CDCA3: variants seen among roughly 807,000 people sequenced by gnomAD.
CDCA3 encodes cell division cycle-associated protein 3.
A neutral mutation model predicts 29.1 loss-of-function variants in CDCA3; 16 were observed. The ratio of observed to expected loss-of-function variants is 0.55; its 90% CI spans 0.37 to 0.83. The LOEUF (loss-of-function observed/expected upper bound fraction) is 0.83, where lower values mean the gene tolerates loss of function less well. Ranked by LOEUF, CDCA3 falls within the 40% of genes least tolerant of loss-of-function variation. The pLI, the probability that CDCA3 is intolerant of heterozygous loss-of-function variation, is 0.00. For synonymous variants in CDCA3, 88 were observed against 124.5 expected, an observed-to-expected ratio of 0.71 and a Z score of 1.95; for missense variants, 291 against 327.2, an observed-to-expected ratio of 0.89 and a Z score of 0.85.
downstream of CDCA3, chr12:6,845,851 C>A: frequency 7.7e-7 from 1 of 1,305,204 alleles, no homozygotes; most frequent in Non-Finnish European, 1.1e-6. Flanking sequence ...GGACCCTCCC[C>A]AGCCCTCCCT....
downstream of CDCA3, chr12:6,846,431 C>G (rs11064427): frequency 5.2e-6 from 1 of 193,562 alleles, no homozygotes; most frequent in Non-Finnish European, 1.1e-5. Context: ...AAGGTGCCCT[C>G]GGGTTTTTTC....
chr12:6,849,091 G>T lies in CDCA3; in HGVS notation c.759C>A (p.Gly253=). The T allele has an allele frequency of 7.2e-7, 1 of 1,382,410 alleles. No individual in the cohort carries two copies. Among genetic ancestry groups the T allele is most frequent in the Non-Finnish European group, 1.0e-6 (1 of 968,386 alleles). The allele number at this position is 1,382,410 out of a possible 1,614,324, so 85.6% of individuals were successfully genotyped here. ...GCTGATTTTCCTTGTCATGGTCCTGGCCTTGCTCCCATGCTCGTCCTCCAG... is the reference window on the plus strand; with the variant it reads ...GCTGATTTTCCTTGTCATGGTCCTGTCCTTGCTCCCATGCTCGTCCTCCAG... ...LKTGGRAWEQ[G]QDHDKENQHF... is the part of the protein sequence containing the mutation. The change falls in exon 6 of 6, where the codon GGC becomes GGA. Residue 253 remains glycine (G), a synonymous_variant. Transcript: ENST00000538862. The surrounding 1 kb of genome is among the most constrained non-coding windows in gnomAD (Gnocchi z 5.2).
downstream of CDCA3, chr12:6,846,652 C>A (rs1375138754): frequency 4.9e-6 from 3 of 618,290 alleles, no homozygotes; most frequent in Admixed American, 7.2e-5. Flanking sequence ...CCCACACATG[C>A]ATACACATGC....
chr12:6,846,657 A>G (rs1398406672), downstream of CDCA3: 1 of 625,820 alleles, frequency 1.6e-6, no homozygotes, highest in Non-Finnish European at 2.9e-6. Context: ...ACATGCATAC[A>G]CATGCACACA....
rs1406927685 is a variant in CDCA3 at position 6,850,905 on chromosome 12, C to T, written c.48G>A (p.Pro16=). 9.3e-6 allele frequency: 15 copies of T among 1,612,996 alleles called. No homozygotes were observed. Among genetic ancestry groups the T allele is most frequent in the Non-Finnish European group, 1.3e-5 (15 of 1,179,816 alleles). ...CCACTCGAGCCAGATGCTTGTTGTG[C>T]GGCGGAGGCCGCGCTGGTGTGACTG... The part of the protein sequence containing the change: ...SVPVTPARPP[P]HNKHLARVAD... Residue 16 remains proline, a synonymous_variant, in exon 2 of 6, where the codon CCG becomes CCA. Transcript: ENST00000538862. The surrounding 1 kb of genome is among the most constrained non-coding windows in gnomAD (Gnocchi z 4.7).
intron 1 of CDCA3, 30 bp downstream of exon 1, chr12:6,851,192 C>T: frequency 1.5e-6 from 2 of 1,325,968 alleles, no homozygotes; most frequent in Non-Finnish European, 1.9e-6. Flanking sequence ...AGCCCTCTAA[C>T]TTATTTATTA....
downstream of CDCA3, chr12:6,845,600 A>C (rs1555124456): frequency 1.9e-6 from 3 of 1,610,780 alleles, no homozygotes; most frequent in Non-Finnish European, 2.5e-6. Context: ...TCCCCAATGG[A>C]GAGGCCATCT....
chr12:6,849,369 G>T lies in CDCA3; in HGVS notation c.605C>A (p.Thr202Asn). Residue 202 changes from threonine (T) to asparagine (N), a missense_variant, in exon 5 of 6, where the codon ACC becomes AAC. Thr to Asn is a moderately conservative substitution (Grantham distance 65). Coordinates refer to ENST00000538862, the MANE Select transcript of CDCA3 (RefSeq NM_031299.7). This position sits in a 1 kb window ranked among gnomAD's most constrained non-coding sequence, Gnocchi z 5.2. ...SSKVLGRSPL[T>N]ILQDDNSPGT... ...AGGGGAGTTGTCATCCTGCAGGATG[G>T]TGAGGGGGGATCTCCCTAGTACCTT... 1.2e-6 allele frequency: 2 copies of T among 1,606,042 alleles called. No individual in the cohort carries two copies. The highest frequency in any genetic ancestry group is 2.2e-5 in the South Asian group (2 of 89,664).
Position 6,849,406 on chromosome 12 carries a change from G to T in CDCA3, c.568C>A (p.Pro190Thr). The T allele has an allele frequency of 6.2e-7, 1 of 1,600,262 alleles. No individual in the cohort carries two copies. The highest frequency in any genetic ancestry group is 8.5e-7 in the Non-Finnish European group (1 of 1,173,416). ...SSGSMRNRWK[P>T]NSSKVLGRSP... ...CTCCCTAGTACCTTGCTGCTGTTTG[G>T]TTTCCATCTATTGCGCATAGAACCT... is the stretch of plus-strand genomic sequence containing the variant. Residue 190 changes from proline to threonine, a missense_variant, in exon 5 of 6, where the codon CCA becomes ACA. Coordinates refer to ENST00000538862, the MANE Select transcript of CDCA3 (RefSeq NM_031299.7). This position sits in a 1 kb window ranked among gnomAD's most constrained non-coding sequence, Gnocchi z 5.2.
In CDCA3 at chr12:6,850,506, G is replaced by C; in HGVS notation, c.211C>G (p.Leu71Val). Residue 71 changes from leucine to valine, a missense_variant, in exon 3 of 6, where the codon CTT (leucine) becomes GTT (valine). Leu to Val is a conservative substitution (Grantham distance 32). Coordinates refer to ENST00000538862, the MANE Select transcript of CDCA3 (RefSeq NM_031299.7). This position sits in a 1 kb window ranked among gnomAD's most constrained non-coding sequence, Gnocchi z 4.7. ...TTCATAGGTGTCCGTGCAATACCAA[G>C]AGTAGGAGAGCGGGGATCTGAGTCC... ...AQDSDPRSPT[L>V]GIARTPMKTS... The C allele has an allele frequency of 6.2e-7, 1 of 1,614,126 alleles. No individual in the cohort carries two copies.
chr12:6,845,884 G>C (rs1157749551), downstream of CDCA3: 4 of 952,896 alleles, frequency 4.2e-6, no homozygotes, highest in Admixed American at 7.3e-5. Flanking sequence ...CCCCCCATCA[G>C]CTCCCATTTC....
At position 6,849,619 on chromosome 12, in the gene CDCA3, C is replaced by A. The variant is rs953702214; in HGVS notation, c.490G>T (p.Ala164Ser). 2 of 1,613,860 alleles carry A rather than the reference C, an allele frequency of 1.2e-6. No individual in the cohort carries two copies. The highest frequency in any genetic ancestry group is 2.7e-5 in the African/African-American group (2 of 74,882). The change falls in exon 4 of 6, where the codon GCC (alanine) becomes TCC (serine). Residue 164 changes from alanine to serine, a missense_variant. Ala to Ser is a moderately conservative substitution (Grantham distance 99). Coordinates refer to ENST00000538862, the MANE Select transcript of CDCA3 (RefSeq NM_031299.7). This position sits in a 1 kb window ranked among gnomAD's most constrained non-coding sequence, Gnocchi z 5.2. ...GAGGGCTTGTCGGAGCTCTGGCTGG[C>A]CACAGGGGTTTCTGTGGGCTGTCTT... ...EARQPTETPV[A>S]SQSSDKPSRD... is the part of the protein sequence containing the mutation.
Position 6,849,963 on chromosome 12 carries a change from T to A in CDCA3, c.251-105A>T. 1 of 1,057,468 alleles carries A rather than the reference T, an allele frequency of 9.5e-7. No homozygotes were observed. The allele number at this position is 1,057,468 out of a possible 1,614,324, so 65.5% of individuals were successfully genotyped here. On this transcript the variant is annotated intron_variant, in intron 3 of 5. Coordinates refer to ENST00000538862, the MANE Select transcript of CDCA3 (RefSeq NM_031299.7). The surrounding 1 kb of genome is among the most constrained non-coding windows in gnomAD (Gnocchi z 5.2). ...ACTCATGCCCAGGAGGGTGAGCAAG[T>A]GGGAAGAGAGAAATCAAGGAAATCA...
chr12:6,850,807 G>A lies in CDCA3; in HGVS notation c.120+26C>T. 1 of 1,611,254 alleles carries A rather than the reference G, an allele frequency of 6.2e-7. No homozygotes were observed. The highest frequency in any genetic ancestry group is 1.3e-5 in the African/African-American group (1 of 75,032). On this transcript the variant is annotated intron_variant, in intron 2 of 5. Transcript: ENST00000538862. This position sits in a 1 kb window ranked among gnomAD's most constrained non-coding sequence, Gnocchi z 4.7. ...AGACCCAAGAATTCAGACATTCTCT[G>A]CCTTTCCCACGCTGGCCCAGAGTAC...
chr12:6,849,437 G>A lies in CDCA3; in HGVS notation c.545-8C>T. The A allele has an allele frequency of 6.3e-7, 1 of 1,577,064 alleles. No individual in the cohort carries two copies. The highest frequency in any genetic ancestry group is 8.6e-7 in the Non-Finnish European group (1 of 1,160,442). On this transcript the variant is annotated splice_polypyrimidine_tract_variant and splice_region_variant and intron_variant, in intron 4 of 5. Transcript: ENST00000538862. This position sits in a 1 kb window ranked among gnomAD's most constrained non-coding sequence, Gnocchi z 5.2. ...ATCTATTGCGCATAGAACCTGGGGT[G>A]GGTAAGGCGTTAAAGCAAGGACCCA...
downstream of CDCA3, chr12:6,848,675 G>A (rs1236076991): frequency 4.8e-6 from 1 of 206,344 alleles, no homozygotes; most frequent in African/African-American, 2.3e-5. Flanking sequence ...TAAACACCCA[G>A]GGAGAGCAGG....
downstream of CDCA3, chr12:6,848,741 T>C (rs782450336): frequency 2.6e-6 from 1 of 380,108 alleles, no homozygotes; most frequent in Admixed American, 4.4e-5. Flanking sequence ...CAAAGAAGGC[T>C]CAGAGCATCA....
downstream of CDCA3, chr12:6,845,974 G>A: frequency 1.6e-6 from 1 of 609,282 alleles, no homozygotes; most frequent in Non-Finnish European, 2.9e-6. Context: ...AACTAGGACT[G>A]TTTTCCCTCA....
At position 6,849,378 on chromosome 12, in the gene CDCA3, G is replaced by GA; in HGVS notation, c.595dup (p.Ser199PhefsTer9). ...GTCATCCTGCAGGATGGTGAGGGGG[G>GA]ATCTCCCTAGTACCTTGCTGCTGTT... On this transcript the variant is annotated frameshift_variant, in exon 5 of 6. Transcript: ENST00000538862. LOFTEE classifies it high-confidence loss of function. This position sits in a 1 kb window ranked among gnomAD's most constrained non-coding sequence, Gnocchi z 5.2. The GA allele has an allele frequency of 1.2e-6, 2 of 1,606,462 alleles. No homozygotes were observed. Among genetic ancestry groups the GA allele is most frequent in the Non-Finnish European group, 1.7e-6 (2 of 1,176,268 alleles).
Sources: allele counts gnomAD v4.1 joint callset, GRCh38; gene constraint gnomAD v4.1.1; non-coding constraint Gnocchi (gnomAD v3.1); transcripts MANE v1.5; gene names NCBI Gene and HGNC (gene_info 2026-07-23, HGNC 2026-07-21).